FNBP4: variants seen among roughly 807,000 people sequenced by gnomAD.
The protein encoded by FNBP4 is formin-binding protein 4.
FNBP4 carries 34 observed loss-of-function variants against 119.3 expected under a neutral mutation model. That is an observed-to-expected ratio of 0.28 (90% CI 0.22 to 0.38). The LOEUF (loss-of-function observed/expected upper bound fraction) is 0.38, where lower values mean the gene tolerates loss of function less well. Among genes scored for constraint, FNBP4 ranks in the 10% least tolerant of loss-of-function variants. The pLI is 1.00. For missense variants in FNBP4, 1,112 were observed against 1,228.9 expected, an observed-to-expected ratio of 0.90 and a Z score of 1.42; for synonymous variants, 462 against 430.6, an observed-to-expected ratio of 1.07 and a Z score of -0.90.
At chr11:47,736,829 G>T in intron 8 of FNBP4, 89 bp from the exon 9 acceptor site, 1 of 1,155,376 alleles carries the variant, frequency 8.7e-7, no homozygotes, top group Non-Finnish European at 1.2e-6. Flanking sequence ...ATCTGCAAAA[G>T]ATTATTAGTT....
chr11:47,740,436 C>T lies in FNBP4; in HGVS notation c.1456+3517G>A, dbSNP rs183344290. Among the ~76,000 whole-genome samples, 17 of 150,786 alleles carry T rather than the reference C, an allele frequency of 1.1e-4. No homozygotes were observed. The East Asian group carries it at 3.3e-3, about 29-fold the overall frequency. On this transcript the variant is annotated intron_variant, in intron 8 of 16. Coordinates refer to ENST00000263773, the MANE Select transcript of FNBP4 (RefSeq NM_015308.5). ...CAAAAAAAAAGTAAATATAACATGG[C>T]TTATTAAAATATCAAAATATTAACA... is the stretch of plus-strand genomic sequence containing the variant.
chr11:47,742,986 GTTTCTTTTT>G (rs1223690622), intron 8 of FNBP4, among the ~76,000 whole-genome samples: 1 of 149,844 alleles, frequency 6.7e-6, no homozygotes, highest in Non-Finnish European at 1.5e-5. Flanking sequence ...TTGGTTCTTT[GTTTCTTTTT>G]TTTCTTTTAT....
Position 47,732,614 on chromosome 11 carries a change from T to A in FNBP4, c.1743A>T (p.Lys581Asn). Reference protein sequence around the residue: ...GALNGNYLKRKLQDAAEQLKQ... With the variant: ...GALNGNYLKRNLQDAAEQLKQ... Reference sequence around the variant, plus strand: ...TTAGTTGTTCTGCTGCATCCTGAAGTTTTCGTTTAAGGTAGTTTCCATTAA... The same window carrying A: ...TTAGTTGTTCTGCTGCATCCTGAAGATTTCGTTTAAGGTAGTTTCCATTAA... Residue 581 changes from lysine to asparagine, a missense_variant, in exon 11 of 17, where the codon AAA becomes AAT. Coordinates refer to ENST00000263773, the MANE Select transcript of FNBP4 (RefSeq NM_015308.5). This position sits in a 1 kb window ranked among gnomAD's most constrained non-coding sequence, Gnocchi z 4.2. 1 of 1,614,118 alleles carries A rather than the reference T, an allele frequency of 6.2e-7. No homozygotes were observed. The highest frequency in any genetic ancestry group is 8.5e-7 in the Non-Finnish European group (1 of 1,180,018).
chr11:47,739,732 T>C (rs2097579121), intron 8 of FNBP4, among the ~76,000 whole-genome samples: 1 of 152,324 alleles, frequency 6.6e-6, no homozygotes, highest in Admixed American at 6.5e-5. Context: ...CAAAGCTGCA[T>C]TATGATTATG....
intron 8 of FNBP4, among the ~76,000 whole-genome samples, chr11:47,737,986 G>C (rs1422975649): frequency 6.6e-6 from 1 of 152,004 alleles, no homozygotes; most frequent in African/African-American, 2.4e-5. Flanking sequence ...CTGGTGATCC[G>C]CCCGGCTAGG....
Position 47,754,559 on chromosome 11 carries a change from T to G in FNBP4, c.419A>C (p.Asp140Ala), listed in dbSNP as rs1324579236. 1 of 1,614,062 alleles carries G rather than the reference T, an allele frequency of 6.2e-7. No individual in the cohort carries two copies. The highest frequency in any genetic ancestry group is 8.5e-7 in the Non-Finnish European group (1 of 1,180,018). ...SKETNGNQSTDIDSTLANFLA... is the reference protein window; with the variant it reads ...SKETNGNQSTAIDSTLANFLA... ...GAAGTTGGCCAATGTACTATCAATA[T>G]CAGTTGACTGGTTTCCATTTGTCTC... Residue 140 changes from aspartate to alanine, a missense_variant, in exon 3 of 17, where the codon GAT (aspartate) becomes GCT (alanine). By Grantham distance (126) the Asp-to-Ala change is moderately radical (BLOSUM62 -2). Transcript: ENST00000263773.
At chr11:47,721,379 GCCAGGAGTTTGAGA>G (rs1161050601) in intron 15 of FNBP4, among the ~76,000 whole-genome samples, 2 of 152,044 alleles carry the variant, frequency 1.3e-5, no homozygotes, top group African/African-American at 4.8e-5. Flanking sequence ...ATCACTTGAG[GCCAGGAGTTTGAGA>G]CCAGCCTGGC....
chr11:47,765,391 A>AAAGAAAAGAG (rs1273070009), intron 1 of FNBP4, 29 bp from the exon 2 acceptor site: 1 of 1,327,742 alleles, frequency 7.5e-7, no homozygotes, highest in East Asian at 2.3e-5. Context: ...AAAGAAAAGA[A>AAAGAAAAGAG]AAGAAAAGAA....
At chr11:47,747,134 C>T (rs776647155) in intron 6 of FNBP4, among the ~76,000 whole-genome samples, 4 of 151,920 alleles carry the variant, frequency 2.6e-5, no homozygotes, top group African/African-American at 4.8e-5. Flanking sequence ...CAGGTTCCAG[C>T]GATTCCCAGC....
intron 9 of FNBP4, among the ~76,000 whole-genome samples, chr11:47,735,381 T>C (rs2097572627): frequency 6.6e-6 from 1 of 152,228 alleles, no homozygotes; most frequent in African/African-American, 2.4e-5. Flanking sequence ...AGTAACTGGA[T>C]ACTCTTTCAA....
chr11:47,723,110 C>T lies in FNBP4; in HGVS notation c.2671G>A (p.Val891Ile). Residue 891 changes from valine to isoleucine, a missense_variant, in exon 15 of 17, where the codon GTT (valine) becomes ATT (isoleucine). This residue lies in a region of FNBP4 where 826 missense variants were observed against 988.8 expected (regional missense o/e 0.84). Transcript: ENST00000263773. ...IGVTAPSLQP[V>I]QARGAVPTAT... ...GTAGGCACAGCACCTCGGGCCTGAA[C>T]TGGCTGCAATGAGGGAGCAGTCACT... 1 of 1,613,940 alleles carries T rather than the reference C, an allele frequency of 6.2e-7. No homozygotes were observed. Among genetic ancestry groups the T allele is most frequent in the Admixed American group, 1.7e-5 (1 of 59,970 alleles).
Position 47,766,339 on chromosome 11 carries a change from A to T in FNBP4, c.220+730T>A, listed in dbSNP as rs147837380. Among the ~76,000 whole-genome samples, 592 of 152,256 alleles carry T rather than the reference A, an allele frequency of 3.9e-3. 3 individuals are homozygous for T. The highest frequency in any genetic ancestry group is 3.6e-3 in the Non-Finnish European group (248 of 68,020). On this transcript the variant is annotated intron_variant, in intron 1 of 16. Coordinates refer to ENST00000263773, the MANE Select transcript of FNBP4 (RefSeq NM_015308.5). Reference sequence around the variant, plus strand: ...CGAAAAAAACAAAACAAAACTCTTAAAAAGTTACATCTGCAATACTTACAA... The same window carrying T: ...CGAAAAAAACAAAACAAAACTCTTATAAAGTTACATCTGCAATACTTACAA...
Position 47,731,530 on chromosome 11 carries a change from G to GAAC in FNBP4, c.1851_1852insGTT (p.Glu617_Gln618insVal). 6.2e-7 allele frequency: 1 copy of GAAC among 1,611,516 alleles called. No homozygotes were observed. Among genetic ancestry groups the GAAC allele is most frequent in the South Asian group, 1.1e-5 (1 of 90,612 alleles). On this transcript the variant is annotated inframe_insertion, in exon 12 of 17. Transcript: ENST00000263773. ...AACTCCCACTGAGACTCGCCCGACT[G>GAAC]TTCGTTTACATAGAAATACCGTCTA...
At chr11:47,742,459 C>A (rs1293879225) in intron 8 of FNBP4, among the ~76,000 whole-genome samples, 1 of 84,178 alleles carries the variant, frequency 1.2e-5, no homozygotes, top group African/African-American at 5.3e-5. Context: ...GGCTGGGGGA[C>A]AGAGCAAGAC....
rs2097568523 is a variant in FNBP4, at chr11:47,732,436, C to T, written c.1820+101G>A. The T allele has an allele frequency of 1.3e-6, 2 of 1,569,310 alleles. No homozygotes were observed. The highest frequency in any genetic ancestry group is 1.7e-4 in the Middle Eastern group (1 of 5,832). Reference sequence around the variant, plus strand: ...CCCAGCACCGCTAACTGCAGCTGCTCTCAGTCTCCAGACAGGCTGTCATGT... The same window carrying T: ...CCCAGCACCGCTAACTGCAGCTGCTTTCAGTCTCCAGACAGGCTGTCATGT... On this transcript the variant is annotated intron_variant, in intron 11 of 16. Transcript: ENST00000263773. This position sits in a 1 kb window ranked among gnomAD's most constrained non-coding sequence, Gnocchi z 4.2.
chr11:47,764,272 G>A (rs2097642180), intron 2 of FNBP4, among the ~76,000 whole-genome samples: 1 of 152,108 alleles, frequency 6.6e-6, no homozygotes, highest in African/African-American at 2.4e-5. Flanking sequence ...AGTAGAGATG[G>A]GGTTTCACCA....
intron 16 of FNBP4, among the ~76,000 whole-genome samples, chr11:47,718,610 C>T (rs1026513963): frequency 1.4e-4 from 21 of 152,092 alleles, no homozygotes; most frequent in African/African-American, 5.1e-4. Context: ...GCATTAGAAC[C>T]TTTAATAAAA....
At position 47,719,988 on chromosome 11, in the gene FNBP4, C is replaced by G; in HGVS notation, c.2904G>C (p.Glu968Asp). 1 of 1,614,070 alleles carries G rather than the reference C, an allele frequency of 6.2e-7. No homozygotes were observed. Among genetic ancestry groups the G allele is most frequent in the Non-Finnish European group, 8.5e-7 (1 of 1,179,992 alleles). The change falls in exon 16 of 17, where the codon GAG becomes GAC. Residue 968 changes from glutamate to aspartate, a missense_variant. Transcript: ENST00000263773. The stretch of plus-strand genomic sequence containing the variant: ...GCTTCTGTGCAGTTGATTCCCGATC[C>G]TCTTCACTGGAACTAGAATTGTCCT... Reference protein sequence around the residue: ...DEEDNSSSSEEDRESTAQKRI... With the variant: ...DEEDNSSSSEDDRESTAQKRI...
At position 47,746,112 on chromosome 11, in the gene FNBP4, C is replaced by G. The variant is rs375494857; in HGVS notation, c.1189G>C (p.Glu397Gln). Residue 397 changes from glutamate to glutamine, a missense_variant, in exon 7 of 17, where the codon GAG becomes CAG. By Grantham distance (29) the Glu-to-Gln change is conservative (BLOSUM62 2). Around this residue, in one of 2 missense-constraint regions of FNBP4, gnomAD observed 826 missense variants for 988.8 expected, o/e 0.84. Coordinates refer to ENST00000263773, the MANE Select transcript of FNBP4 (RefSeq NM_015308.5). ...AGGGTATCTTGTTCCTCTTCCTCCT[C>G]ACTTTCTCCAGATTGGACAACACTG... is the stretch of plus-strand genomic sequence containing the variant. ...LCSVVQSGESEEEEEQDTLEL... is the reference protein window; with the variant it reads ...LCSVVQSGESQEEEEQDTLEL... 5.0e-6 allele frequency: 8 copies of G among 1,611,992 alleles called. No homozygotes were observed. The African/African-American group carries it at 1.1e-4, about 22-fold the overall frequency.
Sources: allele counts gnomAD v4.1 joint callset (sites outside exome capture counted in the v4.1 genomes callset), GRCh38; gene constraint gnomAD v4.1.1; regional missense constraint gnomAD v4.1.1; non-coding constraint Gnocchi (gnomAD v3.1); transcripts MANE v1.5; gene names NCBI Gene and HGNC (gene_info 2026-07-23, HGNC 2026-07-21).